Variants in GPHN observed in about 807,000 individuals in gnomAD.
GPHN encodes the protein gephyrin.
GPHN carries 17 observed loss-of-function variants against 95.5 expected under a neutral mutation model. The observed-to-expected ratio is 0.18, with a 90% CI of 0.12 to 0.27. GPHN has a LOEUF of 0.27. GPHN is among the 10% of genes least tolerant of loss of function. The pLI, the probability that GPHN is intolerant of heterozygous loss-of-function variation, is 1.00. For missense variants in GPHN, 660 were observed against 978.1 expected (o/e 0.67, Z 4.34); for synonymous variants, 320 against 322.5 (o/e 0.99, Z 0.08).
the GPHN span, among the ~76,000 whole-genome samples, chr14:67,408,350 AAAAT>A: frequency 1.7e-3 from 249 of 144,680 alleles, 4 homozygotes; most frequent in East Asian, 0.018. Flanking sequence ...AAAATAAAAT[AAAAT>A]AAAAAAAGAA....
At chr14:67,222,766 A>T in the GPHN span, among the ~76,000 whole-genome samples, 7 of 152,150 alleles carry the variant, frequency 4.6e-5, no homozygotes, top group African/African-American at 1.7e-4. Context: ...GTTACTTTCA[A>T]ACCTGGGAGA....
At chr14:67,041,589 T>C (rs1263961609) in intron 10 of GPHN, among the ~76,000 whole-genome samples, 1 of 152,238 alleles carries the variant, frequency 6.6e-6, no homozygotes, top group African/African-American at 2.4e-5. Flanking sequence ...GGTGTATATG[T>C]GCCACATTTT....
At chr14:67,169,214 A>G in intron 21 of GPHN, 178 bp downstream of exon 21, 1 of 622,688 alleles carries the variant, frequency 1.6e-6, no homozygotes, top group Non-Finnish European at 2.8e-6. Flanking sequence ...TAATTCTCCT[A>G]CTTCATGACT....
the GPHN span, chr14:67,579,112 C>T: frequency 3.4e-6 from 5 of 1,481,400 alleles, no homozygotes; most frequent in African/African-American, 3.6e-5. Flanking sequence ...GCCCATAATA[C>T]TCCCCTCTTC....
chr14:67,422,034 A>G, the GPHN span, among the ~76,000 whole-genome samples: 1 of 152,242 alleles, frequency 6.6e-6, no homozygotes, highest in East Asian at 1.9e-4. Context: ...CTGGGGAGAG[A>G]TTGCCTCTCT....
chr14:67,230,096 A>G, the GPHN span, among the ~76,000 whole-genome samples: 1 of 152,214 alleles, frequency 6.6e-6, no homozygotes, highest in Non-Finnish European at 1.5e-5. Context: ...TTCTTCATAC[A>G]GATTATCTGT....
At chr14:67,613,949 T>C in the GPHN span, 1 of 152,496 alleles carries the variant, frequency 6.6e-6, no homozygotes, top group African/African-American at 2.4e-5. Context: ...TTGTTTTCTT[T>C]TTTGAGACAG....
chr14:67,314,162 A>T, the GPHN span, among the ~76,000 whole-genome samples: 2 of 151,878 alleles, frequency 1.3e-5, no homozygotes, highest in African/African-American at 4.8e-5. Context: ...ACTGGATTTG[A>T]CAACAAGCAA....
chr14:67,550,677 G>A, the GPHN span, among the ~76,000 whole-genome samples: 1 of 152,192 alleles, frequency 6.6e-6, no homozygotes, highest in Non-Finnish European at 1.5e-5. Flanking sequence ...ATGCTAGTGT[G>A]GCCAGATCTT....
chr14:67,431,133 G>A, the GPHN span, among the ~76,000 whole-genome samples: 4 of 152,288 alleles, frequency 2.6e-5, no homozygotes, highest in African/African-American at 7.2e-5. Flanking sequence ...GGTGGCTCAC[G>A]CCTGTAATCC....
At chr14:67,498,295 T>A in the GPHN span, among the ~76,000 whole-genome samples, 18 of 152,178 alleles carry the variant, frequency 1.2e-4, no homozygotes, top group African/African-American at 4.3e-4. Context: ...GGGTGGGCAA[T>A]CACTCTGTGG....
chr14:66,748,127 C>A (rs2058228380), intron 2 of GPHN, among the ~76,000 whole-genome samples: 1 of 151,888 alleles, frequency 6.6e-6, no homozygotes, highest in Admixed American at 6.6e-5. Context: ...ACTGATTTAA[C>A]AATAGTTTAC....
chr14:67,015,166 C>G (rs924195129), intron 9 of GPHN, among the ~76,000 whole-genome samples: 2 of 152,150 alleles, frequency 1.3e-5, no homozygotes, highest in African/African-American at 4.8e-5. Flanking sequence ...TTATAATTAA[C>G]TTCACCAGCT....
At chr14:67,294,896 T>C in the GPHN span, 1 of 151,970 alleles carries the variant, frequency 6.6e-6, no homozygotes, top group Admixed American at 6.6e-5. Context: ...ATGGTCTTGA[T>C]CTCCTGACCT....
At chr14:67,353,180 G>A in the GPHN span, 2 of 630,422 alleles carry the variant, frequency 3.2e-6, no homozygotes, top group Non-Finnish European at 2.7e-6. Flanking sequence ...GTAGCTGACA[G>A]GTTTAACTGA....
At chr14:67,480,295 C>T in the GPHN span, among the ~76,000 whole-genome samples, 1 of 152,082 alleles carries the variant, frequency 6.6e-6, no homozygotes, top group East Asian at 1.9e-4. Context: ...CCCTGAGCAC[C>T]AAGCTAGCGA....
the GPHN span, among the ~76,000 whole-genome samples, chr14:67,629,576 T>G: frequency 6.6e-6 from 1 of 152,138 alleles, no homozygotes. Flanking sequence ...CAGAGTTTGT[T>G]TTGCAAGATG....
the GPHN span, among the ~76,000 whole-genome samples, chr14:67,516,397 GA>G: frequency 0.4 from 60,216 of 149,170 alleles, 12,976 homozygotes; most frequent in East Asian, 0.48. Context: ...CCTAGCTGGA[GA>G]GGGGGGGAAA....
At chr14:67,016,961 C>T (rs866849840) in intron 9 of GPHN, among the ~76,000 whole-genome samples, 1 of 151,664 alleles carries the variant, frequency 6.6e-6, no homozygotes, top group Admixed American at 6.6e-5. Flanking sequence ...CATACATTAC[C>T]CTACTTAATT....
Sources: gnomAD v4.1 joint callset for allele counts (sites outside exome capture counted in the v4.1 genomes callset) on GRCh38, gnomAD v4.1.1 for gene constraint, MANE v1.5 for transcripts, NCBI Gene and HGNC (gene_info 2026-07-23, HGNC 2026-07-21) for gene names.